PKP4: variants seen among roughly 807,000 people sequenced by gnomAD.
The protein encoded by PKP4 is plakophilin-4.
PKP4 carries 90 observed loss-of-function variants against 145.1 expected under a neutral mutation model. The observed-to-expected ratio is 0.62, with a 90% CI of 0.52 to 0.74. PKP4 has a LOEUF of 0.74. Among genes scored for constraint, PKP4 ranks in the 30% least tolerant of loss-of-function variants. The probability of loss-of-function intolerance (pLI) is 0.00; values close to 1 mark genes in which losing one functional copy is unlikely to be tolerated. For synonymous variants in PKP4, 563 were observed against 577.2 expected (o/e 0.98, Z 0.35); for missense variants, 1,340 against 1,482.7 (o/e 0.90, Z 1.58).
intron 15 of PKP4, among the ~76,000 whole-genome samples, chr2:158,665,277 A>G (rs763722145): frequency 2.2e-4 from 34 of 152,252 alleles, no homozygotes; most frequent in Non-Finnish European, 4.1e-4. Context: ...AGTTCATAAA[A>G]CTGCCTGAGT....
intron 1 of PKP4, among the ~76,000 whole-genome samples, chr2:158,467,531 G>A (rs1431772607): frequency 1.5e-5 from 2 of 131,762 alleles, no homozygotes; most frequent in Admixed American, 1.6e-4. Flanking sequence ...TATCCTGGGT[G>A]AGAGAGTGAG....
chr2:158,494,275 G>C (rs1188046057), intron 1 of PKP4, among the ~76,000 whole-genome samples: 1 of 151,784 alleles, frequency 6.6e-6, no homozygotes, highest in Non-Finnish European at 1.5e-5. Context: ...AGGGGAAAAT[G>C]GGTTCTGTAT....
chr2:158,680,596 A>T lies in PKP4; in HGVS notation c.3498A>T (p.Thr1166=). The stretch of plus-strand genomic sequence containing the variant: ...CACAGTATGGACTGAAATCGACCAC[A>T]AATTATGTAGACTTTTATTCCACTA... ...YSTQYGLKST[T]NYVDFYSTKR... Residue 1166 remains threonine, a synonymous_variant, in exon 22 of 22, where the codon ACA becomes ACT. Coordinates refer to ENST00000389759, the MANE Select transcript of PKP4 (RefSeq NM_003628.6). The T allele has an allele frequency of 1.2e-6, 2 of 1,614,014 alleles. No homozygotes were observed. Among genetic ancestry groups the T allele is most frequent in the Non-Finnish European group, 1.7e-6 (2 of 1,179,896 alleles).
intron 1 of PKP4, among the ~76,000 whole-genome samples, chr2:158,511,730 A>G (rs2105529289): frequency 6.6e-6 from 1 of 152,280 alleles, no homozygotes; most frequent in African/African-American, 2.4e-5. Flanking sequence ...TTTGATTTGC[A>G]GTTTTATTTT....
At chr2:158,569,036 T>C (rs1341730913) in intron 2 of PKP4, among the ~76,000 whole-genome samples, 1 of 152,176 alleles carries the variant, frequency 6.6e-6, no homozygotes, top group Non-Finnish European at 1.5e-5. Context: ...CCTGTCTTCT[T>C]TGAAGTTCTC....
rs1000368516 is a variant in PKP4 at position 158,568,973 on chromosome 2, CA to C, written c.133-8290del. The stretch of plus-strand genomic sequence containing the variant: ...GGGCGACAGAGTGAGAATCTTTCTC[CA>C]AAAAAAAGCCATCCGTGTGGGTGGG... On this transcript the variant is annotated intron_variant, in intron 2 of 21. Transcript: ENST00000389759. Among the ~76,000 whole-genome samples, 5 of 151,520 alleles carry C rather than the reference CA, an allele frequency of 3.3e-5. No homozygotes were observed. In the South Asian group the frequency reaches 8.4e-4, roughly 25 times the overall value.
chr2:158,491,827 ACT>A (rs1487381279), intron 1 of PKP4, among the ~76,000 whole-genome samples: 2 of 151,630 alleles, frequency 1.3e-5, no homozygotes, highest in Admixed American at 1.3e-4. Flanking sequence ...ACAGGTTCTC[ACT>A]CTGTCACCCA....
chr2:158,562,421 A>G (rs1184086120), intron 2 of PKP4, among the ~76,000 whole-genome samples: 8 of 152,226 alleles, frequency 5.3e-5, no homozygotes. Flanking sequence ...TTTCATTTAT[A>G]CAAGGTGCCT....
intron 4 of PKP4, among the ~76,000 whole-genome samples, chr2:158,611,798 T>C (rs2051172113): frequency 6.6e-6 from 1 of 152,190 alleles, no homozygotes; most frequent in Non-Finnish European, 1.5e-5. Flanking sequence ...AACTTTATCA[T>C]ATATTTCTTC....
At chr2:158,490,973 T>C (rs888698063) in intron 1 of PKP4, among the ~76,000 whole-genome samples, 2 of 152,226 alleles carry the variant, frequency 1.3e-5, no homozygotes, top group African/African-American at 4.8e-5. Context: ...TTTTTGTTTG[T>C]GTGTACTCTT....
At chr2:158,662,754 T>C in intron 13 of PKP4, 143 bp from the exon 14 acceptor site, 1 of 613,556 alleles carries the variant, frequency 1.6e-6, no homozygotes, top group Non-Finnish European at 2.7e-6. Context: ...CATAATTCTC[T>C]CTTCAGATTG....
intron 1 of PKP4, among the ~76,000 whole-genome samples, chr2:158,517,426 C>G (rs1293332350): frequency 6.6e-6 from 1 of 152,038 alleles, no homozygotes; most frequent in African/African-American, 2.4e-5. Context: ...TGTGTTTCAC[C>G]TCTTATTTCC....
intron 11 of PKP4, among the ~76,000 whole-genome samples, chr2:158,648,092 A>G (rs902287383): frequency 2.6e-5 from 4 of 152,300 alleles, no homozygotes; most frequent in African/African-American, 4.8e-5. Flanking sequence ...TCACACTTCT[A>G]TTACCCTCTT....
chr2:158,608,930 C>G (rs1000285989), intron 4 of PKP4, among the ~76,000 whole-genome samples: 3 of 147,692 alleles, frequency 2.0e-5, no homozygotes, highest in Non-Finnish European at 3.0e-5. Flanking sequence ...TCTCCTGTCT[C>G]TGCCTCCTGA....
At chr2:158,485,912 C>G (rs1325099741) in intron 1 of PKP4, among the ~76,000 whole-genome samples, 1 of 152,124 alleles carries the variant, frequency 6.6e-6, no homozygotes, top group African/African-American at 2.4e-5. Context: ...GTTATGTTTA[C>G]AGTAAATTGT....
At chr2:158,532,081 G>T (rs1478925981) in intron 1 of PKP4, among the ~76,000 whole-genome samples, 2 of 152,150 alleles carry the variant, frequency 1.3e-5, no homozygotes, top group Non-Finnish European at 2.9e-5. Context: ...GGAAACAGAA[G>T]ACTGATACTG....
chr2:158,485,402 C>A (rs760310500), intron 1 of PKP4, among the ~76,000 whole-genome samples: 1 of 152,194 alleles, frequency 6.6e-6, no homozygotes, highest in East Asian at 1.9e-4. Context: ...TCATCCAACC[C>A]ACTTAACCCT....
chr2:158,650,060 CAG>C (rs1297915805), intron 11 of PKP4, among the ~76,000 whole-genome samples: 1 of 152,214 alleles, frequency 6.6e-6, no homozygotes, highest in African/African-American at 2.4e-5. Context: ...GTAACTGTGA[CAG>C]TATAAATGAC....
chr2:158,607,319 C>G (rs2050736650), intron 4 of PKP4, among the ~76,000 whole-genome samples: 1 of 151,974 alleles, frequency 6.6e-6, no homozygotes, highest in Admixed American at 6.6e-5. Flanking sequence ...CTTTGTAACC[C>G]AAGGATAATA....
Sources: allele counts gnomAD v4.1 joint callset (sites outside exome capture counted in the v4.1 genomes callset), GRCh38; gene constraint gnomAD v4.1.1; transcripts MANE v1.5; gene names NCBI Gene and HGNC (gene_info 2026-07-23, HGNC 2026-07-21).